Variants in COMMD10 observed in about 807,000 individuals in gnomAD.
COMMD10 encodes COMM domain-containing protein 10.
In COMMD10, 33 loss-of-function variants were observed where a neutral mutation model predicts 28.9. The ratio of observed to expected loss-of-function variants is 1.14; its 90% CI spans 0.87 to 1.53. The LOEUF is 1.53. Among genes scored for constraint, COMMD10 ranks in the 40% most tolerant of loss-of-function variants. The probability of loss-of-function intolerance (pLI) is 0.00; values close to 1 mark genes in which losing one functional copy is unlikely to be tolerated. For missense variants in COMMD10, 310 were observed against 233.4 expected (o/e 1.33, Z -2.14); for synonymous variants, 110 against 81.7 (o/e 1.35, Z -1.87).
At chr5:116,134,406 G>A (rs545818063) in intron 5 of COMMD10, among the ~76,000 whole-genome samples, 10 of 152,188 alleles carry the variant, frequency 6.6e-5, no homozygotes, top group South Asian at 4.1e-4. Context: ...AAAAATTGTT[G>A]AAGACCATAT....
chr5:116,216,310 A>G (rs920887806), intron 5 of COMMD10, among the ~76,000 whole-genome samples: 7 of 152,346 alleles, frequency 4.6e-5, no homozygotes, highest in Admixed American at 4.6e-4. Flanking sequence ...CAAAAGGTAG[A>G]AAAACTCATC....
intron 5 of COMMD10, among the ~76,000 whole-genome samples, chr5:116,143,108 T>G (rs1752245465): frequency 6.6e-6 from 1 of 150,442 alleles, no homozygotes; most frequent in African/African-American, 2.4e-5. Flanking sequence ...CAACATGACT[T>G]TTTAAAAGAC....
At chr5:116,109,378 A>G (rs898413892) in intron 4 of COMMD10, among the ~76,000 whole-genome samples, 2 of 152,064 alleles carry the variant, frequency 1.3e-5, no homozygotes, top group Non-Finnish European at 2.9e-5. Flanking sequence ...CTCCTGGGTG[A>G]TCCCCAAGAG....
intron 5 of COMMD10, among the ~76,000 whole-genome samples, chr5:116,265,544 G>A (rs1434767566): frequency 1.3e-5 from 2 of 151,298 alleles, no homozygotes; most frequent in African/African-American, 2.4e-5. Flanking sequence ...TTTTCCATAC[G>A]GCTTTATTTT....
chr5:116,110,723 G>GC (rs1751015126), intron 4 of COMMD10, among the ~76,000 whole-genome samples: 2 of 152,266 alleles, frequency 1.3e-5, no homozygotes, highest in African/African-American at 4.8e-5. Context: ...ACCTGGGGAG[G>GC]CCTTGAGAAA....
chr5:116,256,448 A>G lies in COMMD10; in HGVS notation c.511-35069A>G, dbSNP rs577177000. On this transcript the variant is annotated intron_variant, in intron 5 of 6. Transcript: ENST00000274458. Reference sequence around the variant, plus strand: ...TTGTATTTTGGGTGCTGTAGAAATTACCTTTCCCTTTGCATGTACGTGACA... The same window carrying G: ...TTGTATTTTGGGTGCTGTAGAAATTGCCTTTCCCTTTGCATGTACGTGACA... Among the ~76,000 whole-genome samples, 70 of 151,832 alleles carry G rather than the reference A, an allele frequency of 4.6e-4. No individual in the cohort carries two copies. In the East Asian group the frequency reaches 0.011, roughly 25 times the overall value.
At chr5:116,280,891 A>C (rs898889622) in intron 5 of COMMD10, among the ~76,000 whole-genome samples, 1 of 151,878 alleles carries the variant, frequency 6.6e-6, no homozygotes, top group African/African-American at 2.4e-5. Context: ...ATTCAGTAAG[A>C]CTTGAAATAT....
intron 5 of COMMD10, among the ~76,000 whole-genome samples, chr5:116,178,945 T>G (rs62384210): frequency 6.6e-6 from 1 of 151,918 alleles, no homozygotes. Context: ...ATAATATACC[T>G]GAACCAGAGG....
chr5:116,255,755 C>G (rs947671261), intron 5 of COMMD10: 2 of 135,786 alleles, frequency 1.5e-5, no homozygotes, highest in Non-Finnish European at 3.0e-5. Flanking sequence ...TTCTTTATAT[C>G]TTACAGGCAA....
At chr5:116,108,123 G>C (rs1750904816) in intron 4 of COMMD10, among the ~76,000 whole-genome samples, 1 of 152,198 alleles carries the variant, frequency 6.6e-6, no homozygotes, top group East Asian at 1.9e-4. Flanking sequence ...CCACTGTGGG[G>C]TTTCTCCCAG....
intron 5 of COMMD10, among the ~76,000 whole-genome samples, chr5:116,207,580 C>T (rs1375342287): frequency 1.3e-5 from 2 of 152,040 alleles, no homozygotes; most frequent in African/African-American, 4.8e-5. Context: ...AGCTGGAGTG[C>T]AGTGGCATGA....
chr5:116,167,441 AC>A (rs1426489298), intron 5 of COMMD10, among the ~76,000 whole-genome samples: 1 of 152,158 alleles, frequency 6.6e-6, no homozygotes. Flanking sequence ...ATCCAGAAGG[AC>A]TTCCCCAACC....
intron 5 of COMMD10, among the ~76,000 whole-genome samples, chr5:116,248,899 G>T (rs960908166): frequency 2.0e-5 from 3 of 151,926 alleles, no homozygotes; most frequent in African/African-American, 7.2e-5. Context: ...TGAAACAAAA[G>T]AAATTTAAGT....
intron 4 of COMMD10, among the ~76,000 whole-genome samples, chr5:116,112,181 T>A (rs1208485384): frequency 6.6e-6 from 1 of 152,204 alleles, no homozygotes; most frequent in Non-Finnish European, 1.5e-5. Flanking sequence ...TGGAGCTTGA[T>A]ATTTCTCGAT....
intron 5 of COMMD10, among the ~76,000 whole-genome samples, chr5:116,136,935 T>G (rs1003981395): frequency 1.1e-4 from 16 of 152,108 alleles, no homozygotes; most frequent in Non-Finnish European, 2.4e-4. Flanking sequence ...TCTATGGCAT[T>G]GTACACATTT....
At chr5:116,192,127 A>G (rs1394888260) in intron 5 of COMMD10, among the ~76,000 whole-genome samples, 1 of 152,104 alleles carries the variant, frequency 6.6e-6, no homozygotes, top group Non-Finnish European at 1.5e-5. Context: ...TACTACATCA[A>G]GGGAACACCC....
intron 5 of COMMD10, among the ~76,000 whole-genome samples, chr5:116,165,019 G>A (rs1753044413): frequency 6.6e-6 from 1 of 152,238 alleles, no homozygotes; most frequent in Non-Finnish European, 1.5e-5. Context: ...ATCTCAGTCT[G>A]TAGCTTACAG....
At chr5:116,232,356 A>G (rs189240474) in intron 5 of COMMD10, among the ~76,000 whole-genome samples, 2 of 152,116 alleles carry the variant, frequency 1.3e-5, no homozygotes, top group East Asian at 3.9e-4. Context: ...TAAAAAAAAA[A>G]AGGCTTTTAA....
chr5:116,220,509 T>C (rs879609094), intron 5 of COMMD10, among the ~76,000 whole-genome samples: 5 of 152,094 alleles, frequency 3.3e-5, no homozygotes, highest in Admixed American at 3.3e-4. Flanking sequence ...CATGTCTGTA[T>C]AGGTCAGAGT....
Sources: allele counts gnomAD v4.1 joint callset (sites outside exome capture counted in the v4.1 genomes callset), GRCh38; gene constraint gnomAD v4.1.1; transcripts MANE v1.5; gene names NCBI Gene and HGNC (gene_info 2026-07-23, HGNC 2026-07-21).